The following NELL1 variants were observed in gnomAD, a reference collection of about 807,000 sequenced individuals.
The protein encoded by NELL1 is neural EGFL like 1, also known as protein kinase C-binding protein NELL1.
A neutral mutation model predicts 107.4 loss-of-function variants in NELL1; 76 were observed. The ratio of observed to expected loss-of-function variants is 0.71; its 90% confidence interval spans 0.59 to 0.86. The LOEUF (loss-of-function observed/expected upper bound fraction) is 0.86, where lower values mean the gene tolerates loss of function less well. Among genes scored for constraint, NELL1 ranks in the 40% least tolerant of loss-of-function variants. NELL1 has a pLI of 0.00. For missense variants in NELL1, 1,024 were observed against 1,005.5 expected, an observed-to-expected ratio of 1.02 and a Z score of -0.25; for synonymous variants, 353 against 341.2, an observed-to-expected ratio of 1.03 and a Z score of -0.38.
chr11:21,003,165 T>G (rs1400343907), intron 12 of NELL1, among the ~76,000 whole-genome samples: 1 of 152,170 alleles, frequency 6.6e-6, no homozygotes, highest in African/African-American at 2.4e-5. Flanking sequence ...AATAAACTAA[T>G]TTAGATATAG....
At chr11:21,495,372 T>A (rs564980799) in intron 15 of NELL1, among the ~76,000 whole-genome samples, 5 of 152,286 alleles carry the variant, frequency 3.3e-5, no homozygotes, top group Admixed American at 6.5e-5. Context: ...TATTCTATTT[T>A]ACAGGTACAC....
At chr11:21,160,326 C>T (rs1856335038) in intron 13 of NELL1, among the ~76,000 whole-genome samples, 1 of 152,008 alleles carries the variant, frequency 6.6e-6, no homozygotes, top group African/African-American at 2.4e-5. Flanking sequence ...TTTTTTAGAA[C>T]CTGTCAAAAT....
rs186647440 is a variant in NELL1, at chr11:21,265,168, G to A, written c.1549+35714G>A. On this transcript the variant is annotated intron_variant, in intron 14 of 19. Transcript: ENST00000357134. ...CTTTTGCTGCTTAAACATCACTTTC[G>A]TGAGTAGACTATAAACACCTCTATT... Among the ~76,000 whole-genome samples the A allele has an allele frequency of 4.2e-3, 631 of 152,018 alleles. 6 individuals carry two copies. The highest frequency in any genetic ancestry group is 0.035 in the South Asian group (170 of 4,826).
chr11:21,140,557 G>A (rs1565079581), intron 13 of NELL1, among the ~76,000 whole-genome samples: 1 of 152,138 alleles, frequency 6.6e-6, no homozygotes, highest in African/African-American at 2.4e-5. Flanking sequence ...TTTGGATGAG[G>A]CTTTGGTCAC....
chr11:20,795,641 A>G (rs1411694100), intron 3 of NELL1, among the ~76,000 whole-genome samples: 1 of 152,124 alleles, frequency 6.6e-6, no homozygotes, highest in Non-Finnish European at 1.5e-5. Flanking sequence ...TTTTAATTTT[A>G]TTTCTAAATG....
intron 2 of NELL1, among the ~76,000 whole-genome samples, chr11:20,704,907 T>G (rs376424382): frequency 6.6e-6 from 1 of 152,176 alleles, no homozygotes; most frequent in East Asian, 1.9e-4. Flanking sequence ...GAACTCCCAT[T>G]CACAATTGCT....
intron 12 of NELL1, among the ~76,000 whole-genome samples, chr11:21,106,413 A>G (rs1384044590): frequency 6.6e-6 from 1 of 152,164 alleles, no homozygotes. Flanking sequence ...TGCATAGAAA[A>G]TACTATATAA....
intron 3 of NELL1, among the ~76,000 whole-genome samples, chr11:20,802,272 GT>G (rs1213769128): frequency 6.6e-6 from 1 of 151,936 alleles, no homozygotes; most frequent in Non-Finnish European, 1.5e-5. Flanking sequence ...TTTTATCAAT[GT>G]TTTCAAGTTT....
chr11:21,217,738 G>A (rs59716761), intron 13 of NELL1, among the ~76,000 whole-genome samples: 10,388 of 152,166 alleles, frequency 0.068, 445 homozygotes, highest in Non-Finnish European at 0.1. Flanking sequence ...TTTAAGATAT[G>A]TAAAAGGTTA....
In NELL1 at chr11:21,123,731, T is replaced by C. The variant is rs531820013; in HGVS notation, c.1426+10017T>C. 3.9e-5 allele frequency among the ~76,000 whole-genome samples: 6 copies of C among 152,308 alleles called. No individual in the cohort carries two copies. In the South Asian group the frequency reaches 1.2e-3, roughly 32 times the overall value. Reference sequence around the variant, plus strand: ...GAAAACAATCAGTCACAATTATTTATGTAAGAAGACTTTCATTGTGGCCAT... The same window carrying C: ...GAAAACAATCAGTCACAATTATTTACGTAAGAAGACTTTCATTGTGGCCAT... On this transcript the variant is annotated intron_variant, in intron 13 of 19. Coordinates refer to ENST00000357134, the MANE Select transcript of NELL1 (RefSeq NM_006157.5).
chr11:21,415,673 G>A (rs964941346), intron 15 of NELL1, among the ~76,000 whole-genome samples: 24 of 152,084 alleles, frequency 1.6e-4, no homozygotes, highest in Admixed American at 5.2e-4. Flanking sequence ...CCAGGCTGGG[G>A]TTTTTAATCA....
At chr11:21,003,180 C>A (rs1852260161) in intron 12 of NELL1, among the ~76,000 whole-genome samples, 1 of 152,094 alleles carries the variant, frequency 6.6e-6, no homozygotes, top group African/African-American at 2.4e-5. Context: ...ATATAGTCTC[C>A]AACTTCAGGA....
chr11:21,286,507 T>C (rs1377090917), intron 14 of NELL1, among the ~76,000 whole-genome samples: 1 of 152,226 alleles, frequency 6.6e-6, no homozygotes, highest in East Asian at 1.9e-4. Flanking sequence ...TAACTGATCT[T>C]ACTTTAACCC....
At chr11:21,139,469 T>C (rs369603543) in intron 13 of NELL1, among the ~76,000 whole-genome samples, 35 of 152,322 alleles carry the variant, frequency 2.3e-4, no homozygotes, top group African/African-American at 6.0e-4. Flanking sequence ...ACTTGCTTTC[T>C]CCTCTCTCTG....
chr11:20,986,308 C>T (rs1162430594), intron 12 of NELL1, among the ~76,000 whole-genome samples: 1 of 152,196 alleles, frequency 6.6e-6, no homozygotes, highest in Non-Finnish European at 1.5e-5. Context: ...TTCCAGGTCC[C>T]GTTCTCTCCC....
At chr11:21,528,611 T>A (rs1173986340) in intron 15 of NELL1, among the ~76,000 whole-genome samples, 1 of 148,794 alleles carries the variant, frequency 6.7e-6, no homozygotes, top group Non-Finnish European at 1.5e-5. Flanking sequence ...ACCAGGATCA[T>A]GAGCAAAATA....
At chr11:20,857,894 G>T (rs575072060) in intron 4 of NELL1, among the ~76,000 whole-genome samples, 2 of 152,304 alleles carry the variant, frequency 1.3e-5, no homozygotes, top group East Asian at 3.9e-4. Flanking sequence ...ACACCAGTAG[G>T]CTTTGGGTCG....
At chr11:21,415,082 G>A (rs1254131508) in intron 15 of NELL1, among the ~76,000 whole-genome samples, 1 of 152,084 alleles carries the variant, frequency 6.6e-6, no homozygotes, top group Non-Finnish European at 1.5e-5. Flanking sequence ...ATTCACTCCT[G>A]CAGGGCTGTT....
intron 15 of NELL1, among the ~76,000 whole-genome samples, chr11:21,494,599 T>G (rs958069188): frequency 1.3e-5 from 2 of 151,982 alleles, no homozygotes; most frequent in Non-Finnish European, 2.9e-5. Flanking sequence ...TATATGTGCG[T>G]GACTCAGCAA....
Sources: gnomAD v4.1 joint callset for allele counts (sites outside exome capture counted in the v4.1 genomes callset) on GRCh38, gnomAD v4.1.1 for gene constraint, MANE v1.5 for transcripts, NCBI Gene and HGNC (gene_info 2026-07-23, HGNC 2026-07-21) for gene names.